Variants in HTR1F observed in about 807,000 individuals in gnomAD.
The protein encoded by HTR1F is 5-hydroxytryptamine receptor 1F.
A neutral mutation model predicts 24.0 loss-of-function variants in HTR1F; 17 were observed. The ratio of observed to expected loss-of-function variants is 0.71; its 90% CI spans 0.48 to 1.06. The LOEUF (loss-of-function observed/expected upper bound fraction) is 1.06. Among genes scored for constraint, HTR1F ranks in the 50% least tolerant of loss-of-function variants. The probability of loss-of-function intolerance (pLI) is 0.00; values close to 1 mark genes in which losing one functional copy is unlikely to be tolerated. For synonymous variants in HTR1F, 186 were observed against 156.8 expected (o/e 1.19, Z -1.39); for missense variants, 391 against 427.8 (o/e 0.91, Z 0.76).
At chr3:87,940,726 C>A (rs548468663) in intron 2 of HTR1F, among the ~76,000 whole-genome samples, 29 of 152,314 alleles carry the variant, frequency 1.9e-4, no homozygotes, top group African/African-American at 7.0e-4. Flanking sequence ...TCAAACTGTA[C>A]TACAAGGCTG....
rs115070218 is a variant in HTR1F, at chr3:87,801,354, G to A, written c.-160+8512G>A. Among the ~76,000 whole-genome samples, 877 of 152,228 alleles carry A rather than the reference G, an allele frequency of 5.8e-3. 1 individual carries two copies. Among genetic ancestry groups the A allele is most frequent in the Non-Finnish European group, 8.5e-3 (580 of 68,014 alleles). ...AAATTAGTGGAGTAAAATCTTGTTT[G>A]TGTGAACCCAGAATATCTGAAACAG... On this transcript the variant is annotated intron_variant, in intron 1 of 2. Coordinates refer to ENST00000319595, the MANE Select transcript of HTR1F (RefSeq NM_001322209.2).
intron 2 of HTR1F, among the ~76,000 whole-genome samples, chr3:87,988,387 A>G (rs1285438083): frequency 6.6e-6 from 1 of 152,062 alleles, no homozygotes; most frequent in Non-Finnish European, 1.5e-5. Context: ...TTCAAATACC[A>G]GAAAGGTATT....
chr3:87,843,705 T>G (rs1406658810), intron 2 of HTR1F, among the ~76,000 whole-genome samples: 2 of 118,700 alleles, frequency 1.7e-5, no homozygotes, highest in African/African-American at 6.7e-5. Flanking sequence ...AGTCCCCAGA[T>G]TGTGATGTTC....
At position 87,914,909 on chromosome 3, in the gene HTR1F, C is replaced by A. The variant is rs188152526; in HGVS notation, c.-42-75799C>A. Among the ~76,000 whole-genome samples the A allele has an allele frequency of 3.9e-5, 6 of 152,184 alleles. No individual in the cohort carries two copies. The East Asian group carries it at 9.7e-4, about 25-fold the overall frequency. On this transcript the variant is annotated intron_variant, in intron 2 of 2. Transcript: ENST00000319595. ...GCCAGCACAAAAATAGAACATTAAA[C>A]CACGTAAGCTAAGAACCCTCACAGA... is the stretch of plus-strand genomic sequence containing the variant.
intron 1 of HTR1F, among the ~76,000 whole-genome samples, chr3:87,803,480 G>A (rs959402266): frequency 2.0e-5 from 3 of 152,026 alleles, no homozygotes; most frequent in Non-Finnish European, 4.4e-5. Context: ...TTTTTAAAAA[G>A]TATGAAAGCA....
rs141413795 is a variant in HTR1F at position 87,827,791 on chromosome 3, G to A, written c.-43+5667G>A. 3.7e-4 allele frequency among the ~76,000 whole-genome samples: 56 copies of A among 152,268 alleles called. No individual in the cohort carries two copies. In the South Asian group the frequency reaches 4.8e-3, roughly 13 times the overall value. On this transcript the variant is annotated intron_variant, in intron 2 of 2. Transcript: ENST00000319595. ...CATGATGGTCCTGAGAGAAAACCTCGTTGATTGGAAAAGGGTGAGGTGATC... is the reference window on the plus strand; with the variant it reads ...CATGATGGTCCTGAGAGAAAACCTCATTGATTGGAAAAGGGTGAGGTGATC...
intron 2 of HTR1F, among the ~76,000 whole-genome samples, chr3:87,902,034 T>C (rs910523421): frequency 2.0e-5 from 3 of 152,150 alleles, no homozygotes; most frequent in African/African-American, 7.2e-5. Context: ...ATATTATAAA[T>C]ATATGAATTT....
At chr3:87,853,481 T>A (rs1705132911) in intron 2 of HTR1F, among the ~76,000 whole-genome samples, 1 of 152,118 alleles carries the variant, frequency 6.6e-6, no homozygotes, top group South Asian at 2.1e-4. Flanking sequence ...TGATTGGCAT[T>A]TAGGTTGATT....
intron 2 of HTR1F, among the ~76,000 whole-genome samples, chr3:87,844,161 T>C (rs1304680085): frequency 3.1e-4 from 47 of 151,978 alleles, no homozygotes; most frequent in African/African-American, 9.9e-4. Flanking sequence ...AAAAGTGTTC[T>C]TATTTCTCCA....
chr3:87,966,697 C>T (rs536235814), intron 2 of HTR1F, among the ~76,000 whole-genome samples: 3 of 152,244 alleles, frequency 2.0e-5, no homozygotes, highest in Non-Finnish European at 4.4e-5. Flanking sequence ...ATTTTACATA[C>T]TTCTTAAGAC....
intron 2 of HTR1F, among the ~76,000 whole-genome samples, chr3:87,849,763 A>G (rs1176111554): frequency 6.6e-6 from 1 of 150,980 alleles, no homozygotes; most frequent in Non-Finnish European, 1.5e-5. Context: ...AATTTACAAG[A>G]AAAAACAAAC....
chr3:87,982,772 C>T (rs1705574757), intron 2 of HTR1F, among the ~76,000 whole-genome samples: 1 of 152,170 alleles, frequency 6.6e-6, no homozygotes, highest in African/African-American at 2.4e-5. Flanking sequence ...CTATGTGTTT[C>T]CCATTTCCTT....
At chr3:87,861,622 C>G (rs1428672224) in intron 2 of HTR1F, among the ~76,000 whole-genome samples, 2 of 152,036 alleles carry the variant, frequency 1.3e-5, no homozygotes, top group Non-Finnish European at 2.9e-5. Flanking sequence ...TTATACATGA[C>G]TTAAATTTCT....
At chr3:87,838,698 G>A (rs1312603431) in intron 2 of HTR1F, among the ~76,000 whole-genome samples, 1 of 151,860 alleles carries the variant, frequency 6.6e-6, no homozygotes, top group Non-Finnish European at 1.5e-5. Flanking sequence ...CACATGCATT[G>A]TGAAAACAGT....
chr3:87,838,878 G>A (rs1704737868), intron 2 of HTR1F, among the ~76,000 whole-genome samples: 1 of 149,608 alleles, frequency 6.7e-6, no homozygotes, highest in South Asian at 2.1e-4. Context: ...CTGTTTCCTT[G>A]TTGTTGAGTA....
At chr3:87,987,847 G>A (rs13083918) in intron 2 of HTR1F, among the ~76,000 whole-genome samples, 1 of 143,802 alleles carries the variant, frequency 7.0e-6, no homozygotes, top group Non-Finnish European at 1.5e-5. Flanking sequence ...TGTATTATAT[G>A]TATATATGTA....
At chr3:87,904,522 T>C (rs1388995537) in intron 2 of HTR1F, among the ~76,000 whole-genome samples, 1 of 152,076 alleles carries the variant, frequency 6.6e-6, no homozygotes, top group East Asian at 1.9e-4. Flanking sequence ...GGTATAGTCA[T>C]AGCATACAAT....
At chr3:87,963,626 T>C (rs1005324223) in intron 2 of HTR1F, among the ~76,000 whole-genome samples, 4 of 152,146 alleles carry the variant, frequency 2.6e-5, no homozygotes, top group African/African-American at 9.7e-5. Flanking sequence ...AAATGTTTTC[T>C]ACAATATTAG....
intron 2 of HTR1F, among the ~76,000 whole-genome samples, chr3:87,984,966 T>C (rs1705630845): frequency 6.6e-6 from 1 of 152,220 alleles, no homozygotes; most frequent in Non-Finnish European, 1.5e-5. Context: ...ACCTTAAACA[T>C]TAATTTTATT....
Sources: allele counts gnomAD v4.1 joint callset (sites outside exome capture counted in the v4.1 genomes callset), GRCh38; gene constraint gnomAD v4.1.1; transcripts MANE v1.5; gene names NCBI Gene and HGNC (gene_info 2026-07-23, HGNC 2026-07-21).